The following USP25 variants were observed in gnomAD, a reference collection of about 807,000 sequenced individuals.
USP25 encodes the protein ubiquitin specific peptidase 25.
USP25 carries 85 observed loss-of-function variants against 158.5 expected under a neutral mutation model. The ratio of observed to expected loss-of-function variants is 0.54; its 90% confidence interval spans 0.45 to 0.64. The LOEUF is 0.64. USP25 is among the 30% of genes least tolerant of loss of function. USP25 has a pLI of 0.00. For synonymous variants in USP25, 464 were observed against 460.4 expected (o/e 1.01, Z -0.10); for missense variants, 1,242 against 1,327.3 (o/e 0.94, Z 1.00).
At chr21:15,791,415 A>C in intron 4 of USP25, 87 bp from the exon 5 acceptor site, 1 of 1,308,514 alleles carries the variant, frequency 7.6e-7, no homozygotes, top group Non-Finnish European at 1.0e-6. Context: ...TTGAAATCTT[A>C]TGTAATGAAA....
chr21:15,826,105 A>G lies in USP25; in HGVS notation c.1305-99A>G, dbSNP rs2037487500. The G allele has an allele frequency of 5.7e-6, 7 of 1,220,606 alleles. No individual in the cohort carries two copies. Among genetic ancestry groups the G allele is most frequent in the Non-Finnish European group, 8.0e-6 (7 of 879,912 alleles). 75.6% of individuals were successfully genotyped at this position (1,220,606 alleles called of 1,614,324 possible). A position where few individuals can be genotyped will look rare whatever the true frequency, so the allele number is the denominator to read the frequency against. Reference sequence around the variant, plus strand: ...AGCAAATGAATTTTATTGCTGAGGAAGTTTTATTGAAGTATCGTATCACGT... The same window carrying G: ...AGCAAATGAATTTTATTGCTGAGGAGGTTTTATTGAAGTATCGTATCACGT... On this transcript the variant is annotated intron_variant, in intron 12 of 25. Coordinates refer to ENST00000400183, the MANE Select transcript of USP25 (RefSeq NM_001283041.3). This position sits in a 1 kb window ranked among gnomAD's most constrained non-coding sequence, Gnocchi z 4.8.
At chr21:15,810,154 T>G (rs1161349729) in intron 8 of USP25, among the ~76,000 whole-genome samples, 1 of 152,018 alleles carries the variant, frequency 6.6e-6, no homozygotes, top group African/African-American at 2.4e-5. Flanking sequence ...AAGAAGTGAG[T>G]AGGACAGTGT....
At position 15,843,423 on chromosome 21, in the gene USP25, T is replaced by C. The variant is rs1000178270; in HGVS notation, c.2337+883T>C. 6.6e-6 allele frequency among the ~76,000 whole-genome samples: 1 copy of C among 152,204 alleles called. No individual in the cohort carries two copies. The highest frequency in any genetic ancestry group is 2.4e-5 in the African/African-American group (1 of 41,452). Reference sequence around the variant, plus strand: ...ATAACCTGCTAATTGCAATGAGGCCTTAAATATATAATAAGACTTCCTTTA... The same window carrying C: ...ATAACCTGCTAATTGCAATGAGGCCCTAAATATATAATAAGACTTCCTTTA... On this transcript the variant is annotated intron_variant, in intron 18 of 25. Transcript: ENST00000400183. The surrounding 1 kb of genome is among the most constrained non-coding windows in gnomAD (Gnocchi z 4.0).
At chr21:15,833,011 C>CTT (rs751193764) in intron 16 of USP25, among the ~76,000 whole-genome samples, 100 of 151,972 alleles carry the variant, frequency 6.6e-4, no homozygotes, top group Non-Finnish European at 1.3e-3. Flanking sequence ...GCATGACACT[C>CTT]TGTCTCAAAA....
chr21:15,823,642 T>C (rs939150403), intron 10 of USP25, among the ~76,000 whole-genome samples: 3 of 152,142 alleles, frequency 2.0e-5, no homozygotes, highest in African/African-American at 7.2e-5. Flanking sequence ...TCATAAGTTA[T>C]TTTATCACAG....
In USP25 at chr21:15,806,651, TTC is replaced by T. The variant is rs553582752; in HGVS notation, c.780+1395_780+1396del. Among the ~76,000 whole-genome samples, 31 of 152,294 alleles carry T rather than the reference TTC, an allele frequency of 2.0e-4. No homozygotes were observed. In the East Asian group the frequency reaches 5.8e-3, roughly 28 times the overall value. On this transcript the variant is annotated intron_variant, in intron 7 of 25. Coordinates refer to ENST00000400183, the MANE Select transcript of USP25 (RefSeq NM_001283041.3). Reference sequence around the variant, plus strand: ...GTAGACTAACTTTTGAAATTAGTGATTCTTTTTCTTTAGAGGCCTTTTAAAGT... The same window carrying T: ...GTAGACTAACTTTTGAAATTAGTGATTTTTTCTTTAGAGGCCTTTTAAAGT...
At chr21:15,791,078 T>C (rs2123610923) in intron 4 of USP25, among the ~76,000 whole-genome samples, 1 of 151,964 alleles carries the variant, frequency 6.6e-6, no homozygotes, top group Admixed American at 6.6e-5. Context: ...AAGTGGTCGG[T>C]GATAAAAGTG....
rs1000158678 is a variant in USP25 at position 15,766,826 on chromosome 21, T to C, written c.268+685T>C. On this transcript the variant is annotated intron_variant, in intron 3 of 25. Transcript: ENST00000400183. The surrounding 1 kb of genome is among the most constrained non-coding windows in gnomAD (Gnocchi z 4.0). ...TACTACATAAAAATAGTTACTTTTA[T>C]GCCTTATGGATTTGCAAAGTTTGAT... Among the ~76,000 whole-genome samples the C allele has an allele frequency of 3.3e-5, 5 of 152,120 alleles. No homozygotes were observed. The highest frequency in any genetic ancestry group is 7.2e-5 in the African/African-American group (3 of 41,458).
intron 1 of USP25, among the ~76,000 whole-genome samples, chr21:15,756,399 G>A (rs79302893): frequency 0.012 from 1,781 of 152,164 alleles, 28 homozygotes; most frequent in Non-Finnish European, 0.019. Flanking sequence ...GCCATACTTT[G>A]GGGCATTGTT....
At chr21:15,775,514 T>C (rs2123483882) in intron 3 of USP25, among the ~76,000 whole-genome samples, 1 of 152,222 alleles carries the variant, frequency 6.6e-6, no homozygotes, top group East Asian at 1.9e-4. Flanking sequence ...ACTACTGAGT[T>C]CAAGAACATA....
At chr21:15,769,783 A>G in intron 3 of USP25, among the ~76,000 whole-genome samples, 1 of 152,126 alleles carries the variant, frequency 6.6e-6, no homozygotes, top group Non-Finnish European at 1.5e-5. Context: ...AAAACAGGAA[A>G]AAAACAGTAT....
intron 20 of USP25, among the ~76,000 whole-genome samples, chr21:15,863,840 G>T (rs561014818): frequency 1.1e-4 from 17 of 151,964 alleles, no homozygotes; most frequent in South Asian, 8.3e-4. Flanking sequence ...TTTGAGACCA[G>T]CCTGGCCAAC....
intron 5 of USP25, 146 bp downstream of exon 5, chr21:15,791,810 T>G: frequency 1.3e-6 from 1 of 766,418 alleles, no homozygotes; most frequent in Non-Finnish European, 1.9e-6. Context: ...GCTTGGGGAT[T>G]GAAGTATCCT....
At chr21:15,757,555 A>C (rs1443143455) in intron 1 of USP25, among the ~76,000 whole-genome samples, 1 of 152,178 alleles carries the variant, frequency 6.6e-6, no homozygotes, top group Non-Finnish European at 1.5e-5. Flanking sequence ...ACCACCTCAA[A>C]ACCCAGTGGC....
chr21:15,783,978 TAAAG>T (rs1209754878), intron 4 of USP25, among the ~76,000 whole-genome samples: 3 of 150,198 alleles, frequency 2.0e-5, no homozygotes, highest in African/African-American at 7.3e-5. Flanking sequence ...TCAAAAAAAA[TAAAG>T]AAAAGAAAAA....
rs148393489 is a variant in USP25 at position 15,768,521 on chromosome 21, G to C, written c.268+2380G>C. Among the ~76,000 whole-genome samples, 4 of 152,160 alleles carry C rather than the reference G, an allele frequency of 2.6e-5. No individual in the cohort carries two copies. The East Asian group carries it at 7.7e-4, about 29-fold the overall frequency. On this transcript the variant is annotated intron_variant, in intron 3 of 25. Coordinates refer to ENST00000400183, the MANE Select transcript of USP25 (RefSeq NM_001283041.3). ...TAAGTGACTGTGCAGTTACTGTTGA[G>C]AAGAAATGAAGTCGTGTATTTTTAA...
chr21:15,842,687 C>CA, intron 18 of USP25, 147 bp downstream of exon 18: 2 of 890,976 alleles, frequency 2.2e-6, no homozygotes, highest in Non-Finnish European at 3.3e-6. Context: ...ATGGGCAAGT[C>CA]ATCTCATGCC....
rs375785247 is a variant in USP25 at position 15,864,344 on chromosome 21, A to G, written c.2624A>G (p.His875Arg). 12 of 1,613,648 alleles carry G rather than the reference A, an allele frequency of 7.4e-6. No homozygotes were observed. The highest frequency in any genetic ancestry group is 3.3e-5 in the Admixed American group (2 of 59,954). ...CCACCAGAAACCGATTATCGTTTACATCATGTAGTGGTCTACTTTATCCAG... is the reference window on the plus strand; with the variant it reads ...CCACCAGAAACCGATTATCGTTTACGTCATGTAGTGGTCTACTTTATCCAG... ...DTPPETDYRL[H>R]HVVVYFIQNQ... Residue 875 changes from histidine to arginine, a missense_variant, in exon 21 of 26, where the codon CAT becomes CGT. This residue lies in a region of USP25 where 608 missense variants were observed against 605.2 expected (regional missense o/e 1.00). Coordinates refer to ENST00000400183, the MANE Select transcript of USP25 (RefSeq NM_001283041.3).
chr21:15,868,481 A>G (rs1360764500), intron 22 of USP25, among the ~76,000 whole-genome samples: 1 of 151,748 alleles, frequency 6.6e-6, no homozygotes, highest in Non-Finnish European at 1.5e-5. Context: ...AACAGATTGG[A>G]CTCATTATGT....
Sources: gnomAD v4.1 joint callset for allele counts (sites outside exome capture counted in the v4.1 genomes callset) on GRCh38, gnomAD v4.1.1 for gene constraint, gnomAD v4.1.1 regional missense constraint, Gnocchi (gnomAD v3.1) non-coding constraint, MANE v1.5 for transcripts, NCBI Gene and HGNC (gene_info 2026-07-23, HGNC 2026-07-21) for gene names.